NXN: variants seen among roughly 807,000 people sequenced by gnomAD.
NXN encodes nucleoredoxin.
A neutral mutation model predicts 48.6 loss-of-function variants in NXN; 16 were observed. The observed-to-expected ratio is 0.33, with a 90% CI of 0.22 to 0.50. NXN has a LOEUF of 0.50. Among genes scored for constraint, NXN ranks in the 20% least tolerant of loss-of-function variants. NXN has a pLI of 0.98. For missense variants in NXN, 492 were observed against 605.5 expected, an observed-to-expected ratio of 0.81 and a Z score of 1.97; for synonymous variants, 281 against 269.6, an observed-to-expected ratio of 1.04 and a Z score of -0.41.
chr17:855,526 G>A (rs72812004), intron 1 of NXN, among the ~76,000 whole-genome samples: 17,765 of 152,096 alleles, frequency 0.12, 1,416 homozygotes, highest in Non-Finnish European at 0.18. Flanking sequence ...TTCTATTCAC[G>A]AACAGGTTTG....
At chr17:814,528 G>A (rs1481041433) in intron 5 of NXN, among the ~76,000 whole-genome samples, 2 of 152,202 alleles carry the variant, frequency 1.3e-5, no homozygotes, top group East Asian at 3.9e-4. Context: ...AGTGACAAGT[G>A]TCCGTCTTCC....
intron 1 of NXN, among the ~76,000 whole-genome samples, chr17:858,078 C>T (rs2068004451): frequency 6.6e-6 from 1 of 151,872 alleles, no homozygotes; most frequent in Non-Finnish European, 1.5e-5. Context: ...TCAAGTGATC[C>T]TCCCACCCCA....
At chr17:818,050 TGAGTTCGAGACCA>T (rs2144628192) in intron 5 of NXN, among the ~76,000 whole-genome samples, 1 of 151,766 alleles carries the variant, frequency 6.6e-6, no homozygotes, top group East Asian at 1.9e-4. Flanking sequence ...CTTGAGCCCA[TGAGTTCGAGACCA>T]GCCTGGGCAA....
At chr17:865,660 T>C (rs2068087936) in intron 1 of NXN, among the ~76,000 whole-genome samples, 1 of 152,144 alleles carries the variant, frequency 6.6e-6, no homozygotes, top group Non-Finnish European at 1.5e-5. Context: ...AATTCACAGA[T>C]ATGCATGTGT....
intron 5 of NXN, among the ~76,000 whole-genome samples, chr17:811,541 T>G (rs1232457677): frequency 1.3e-5 from 2 of 151,876 alleles, no homozygotes; most frequent in Non-Finnish European, 2.9e-5. Flanking sequence ...AAGCCAGTTA[T>G]TCCCACGAGA....
chr17:833,134 G>A (rs182074833), intron 1 of NXN, among the ~76,000 whole-genome samples: 3 of 151,928 alleles, frequency 2.0e-5, no homozygotes, highest in East Asian at 1.9e-4. Context: ...CTCGTGATCC[G>A]CCCACCTCAG....
chr17:969,258 C>G (rs2069343588), intron 1 of NXN, among the ~76,000 whole-genome samples: 1 of 152,160 alleles, frequency 6.6e-6, no homozygotes, highest in South Asian at 2.1e-4. Flanking sequence ...ACCATCATCT[C>G]CATTTTACTC....
intron 5 of NXN, among the ~76,000 whole-genome samples, chr17:810,816 G>A (rs934687114): frequency 8.5e-5 from 13 of 152,252 alleles, no homozygotes; most frequent in African/African-American, 2.9e-4. Flanking sequence ...TTGAACGCGG[G>A]AGGCAGAGCT....
At chr17:854,350 TAAGAGTTTAA>T (rs2067961124) in intron 1 of NXN, among the ~76,000 whole-genome samples, 1 of 152,024 alleles carries the variant, frequency 6.6e-6, no homozygotes, top group African/African-American at 2.4e-5. Context: ...AGTGGAGATT[TAAGAGTTTAA>T]AATTTCAGCC....
At chr17:977,249 A>C (rs929412465) in intron 1 of NXN, among the ~76,000 whole-genome samples, 2 of 152,218 alleles carry the variant, frequency 1.3e-5, no homozygotes, top group Non-Finnish European at 1.5e-5. Flanking sequence ...AATAAAGTAT[A>C]GGATGTGAGT....
At chr17:803,539 G>C in intron 7 of NXN, 143 bp downstream of exon 7, 2 of 1,010,080 alleles carry the variant, frequency 2.0e-6, no homozygotes. Context: ...ACCTTTCCTT[G>C]CCACATTTGT....
chr17:922,629 G>A (rs1052278595), intron 1 of NXN, among the ~76,000 whole-genome samples: 6 of 151,966 alleles, frequency 3.9e-5, no homozygotes, highest in African/African-American at 1.2e-4. Context: ...GGTGAGAAGT[G>A]CCCAGCCAGG....
intron 1 of NXN, among the ~76,000 whole-genome samples, chr17:963,894 G>A (rs560584915): frequency 8.8e-4 from 134 of 151,498 alleles, no homozygotes; most frequent in African/African-American, 3.0e-3. Context: ...TGGCTAACGT[G>A]GTGAAACCCC....
In NXN at chr17:812,622, G is replaced by C. The variant is rs534219209; in HGVS notation, c.820+6817C>G. Among the ~76,000 whole-genome samples, 5 of 149,302 alleles carry C rather than the reference G, an allele frequency of 3.3e-5. No individual in the cohort carries two copies. In the East Asian group the frequency reaches 7.7e-4, roughly 23 times the overall value. ...GCGAGTGTGCATTGTGTGAGTGTAGGTGAGTGTAGGTGTGTGTGAGTGTGC... is the reference window on the plus strand; with the variant it reads ...GCGAGTGTGCATTGTGTGAGTGTAGCTGAGTGTAGGTGTGTGTGAGTGTGC... On this transcript the variant is annotated intron_variant, in intron 5 of 7. Coordinates refer to ENST00000336868, the MANE Select transcript of NXN (RefSeq NM_022463.5).
chr17:823,841 G>A (rs1912949535), intron 2 of NXN, 76 bp from the exon 3 acceptor site: 1 of 1,507,072 alleles, frequency 6.6e-7, no homozygotes, highest in Admixed American at 1.9e-5. Flanking sequence ...CTTCAGAGCG[G>A]TTAAGACTCT....
chr17:861,178 C>T (rs1408209070), intron 1 of NXN, among the ~76,000 whole-genome samples: 3 of 152,074 alleles, frequency 2.0e-5, no homozygotes, highest in Non-Finnish European at 2.9e-5. Context: ...CTGTCGCCTG[C>T]GCTGGAATGC....
At chr17:874,641 G>C (rs55817438) in intron 1 of NXN, among the ~76,000 whole-genome samples, 14,094 of 147,610 alleles carry the variant, frequency 0.095, 764 homozygotes, top group Middle Eastern at 0.14. Flanking sequence ...TGGGAGAACA[G>C]ACTAATGCAG....
intron 5 of NXN, among the ~76,000 whole-genome samples, chr17:811,193 G>A (rs1217230492): frequency 6.6e-6 from 1 of 152,180 alleles, no homozygotes; most frequent in Non-Finnish European, 1.5e-5. Context: ...GAGGAGCAAA[G>A]GGCCCTCACC....
chr17:903,060 G>A (rs1026547410), intron 1 of NXN, among the ~76,000 whole-genome samples: 4 of 147,884 alleles, frequency 2.7e-5, no homozygotes, highest in East Asian at 2.1e-4. Context: ...CTGAGCCACC[G>A]CACCCAGCCT....
Sources: gnomAD v4.1 joint callset for allele counts (sites outside exome capture counted in the v4.1 genomes callset) on GRCh38, gnomAD v4.1.1 for gene constraint, MANE v1.5 for transcripts, NCBI Gene and HGNC (gene_info 2026-07-23, HGNC 2026-07-21) for gene names.